The following PGBD5 variants were observed in gnomAD, a reference collection of about 807,000 sequenced individuals.
PGBD5 encodes the protein piggyBac transposable element derived 5, also known as piggyBac transposable element-derived protein 5.
Under a neutral mutation model 47.9 loss-of-function variants are expected in PGBD5, and 14 were observed. That is an observed-to-expected ratio of 0.29 (90% CI 0.19 to 0.46). PGBD5 has a LOEUF of 0.46. PGBD5 is among the 20% of genes least tolerant of loss of function. The pLI is 1.00. For synonymous variants in PGBD5, 316 were observed against 306.3 expected, an observed-to-expected ratio of 1.03 and a Z score of -0.33; for missense variants, 635 against 716.0, an observed-to-expected ratio of 0.89 and a Z score of 1.29.
intron 4 of PGBD5, among the ~76,000 whole-genome samples, chr1:230,335,021 CGACACA>C (rs1325410185): frequency 1.4e-5 from 2 of 140,184 alleles, no homozygotes; most frequent in African/African-American, 5.3e-5. Context: ...CTACCCCACT[CGACACA>C]GACACACACA....
intron 1 of PGBD5, among the ~76,000 whole-genome samples, chr1:230,383,800 C>G (rs1656569966): frequency 1.3e-5 from 2 of 152,224 alleles, no homozygotes; most frequent in Non-Finnish European, 2.9e-5. Flanking sequence ...GCTTTTGCCT[C>G]TATTTCTGGC....
In PGBD5 at chr1:230,318,949, G is replaced by A. The variant is rs1185626933; in HGVS notation, c.*4476C>T. 1 of 152,268 alleles carries A rather than the reference G, an allele frequency of 6.6e-6. No homozygotes were observed. Among genetic ancestry groups the A allele is most frequent in the Admixed American group, 6.5e-5 (1 of 15,288 alleles). 9.4% of individuals were successfully genotyped at this position (152,268 alleles called of 1,614,324 possible). A position where few individuals can be genotyped will look rare whatever the true frequency, so the allele number is the denominator to read the frequency against. On this transcript the variant is annotated 3_prime_UTR_variant, in exon 7 of 7. Coordinates refer to ENST00000391860, the MANE Select transcript of PGBD5 (RefSeq NM_001258311.2). ...AGGACAAGAAAAGGACCCAGGGGGA[G>A]GGTGATGTCCCGGATCTCATAATGA... is the stretch of plus-strand genomic sequence containing the variant.
intron 1 of PGBD5, among the ~76,000 whole-genome samples, chr1:230,358,835 A>G (rs112070336): frequency 0.012 from 1,763 of 152,342 alleles, 30 homozygotes; most frequent in African/African-American, 0.038. Flanking sequence ...GCTGTGCCAT[A>G]CAGGTTTGTA....
intron 1 of PGBD5, among the ~76,000 whole-genome samples, chr1:230,386,212 G>A (rs976027872): frequency 6.6e-6 from 1 of 151,898 alleles, no homozygotes; most frequent in Non-Finnish European, 1.5e-5. Flanking sequence ...ACAGCTACTC[G>A]GAAGGCTGAG....
At chr1:230,350,704 G>C (rs1475550843) in intron 3 of PGBD5, among the ~76,000 whole-genome samples, 1 of 152,204 alleles carries the variant, frequency 6.6e-6, no homozygotes, top group African/African-American at 2.4e-5. Context: ...ACCCAGATGG[G>C]CTTGAGTCTG....
chr1:230,316,151 CAT>C lies in PGBD5; in HGVS notation c.*7272_*7273del, dbSNP rs1310649902. On this transcript the variant is annotated 3_prime_UTR_variant, in exon 7 of 7. Transcript: ENST00000391860. ...ATACATACATATGTATATGTGTACA[CAT>C]ATATGTATGTGTATACATACATACG... 6.1e-5 allele frequency: 9 copies of C among 148,748 alleles called. No individual in the cohort carries two copies. The highest frequency in any genetic ancestry group is 2.1e-4 in the South Asian group (1 of 4,750). 9.2% of individuals were successfully genotyped at this position (148,748 alleles called of 1,614,324 possible).
intron 1 of PGBD5, among the ~76,000 whole-genome samples, chr1:230,409,383 CAT>C (rs1657367821): frequency 6.6e-6 from 1 of 152,146 alleles, no homozygotes; most frequent in Non-Finnish European, 1.5e-5. Flanking sequence ...AAATGAAAAC[CAT>C]GTCCACACGA....
Position 230,414,798 on chromosome 1 carries a change from G to A in PGBD5, c.331+10800C>T, listed in dbSNP as rs546851869. The stretch of plus-strand genomic sequence containing the variant: ...ACCTGAAGGAAGCAAATGTCATTAC[G>A]TCAGATAAGGAAGGAGATGAAGACT... On this transcript the variant is annotated intron_variant, in intron 1 of 6. Transcript: ENST00000391860. 2.4e-4 allele frequency among the ~76,000 whole-genome samples: 37 copies of A among 152,322 alleles called. No individual in the cohort carries two copies. In the South Asian group the frequency reaches 6.8e-3, roughly 28 times the overall value.
intron 1 of PGBD5, among the ~76,000 whole-genome samples, chr1:230,415,136 C>T (rs1002407151): frequency 6.6e-6 from 1 of 152,032 alleles, no homozygotes; most frequent in Non-Finnish European, 1.5e-5. Flanking sequence ...GGCATGGTGG[C>T]GCCTATCTGT....
At chr1:230,385,526 T>G (rs1310823396) in intron 1 of PGBD5, among the ~76,000 whole-genome samples, 1 of 152,140 alleles carries the variant, frequency 6.6e-6, no homozygotes, top group African/African-American at 2.4e-5. Flanking sequence ...GTTGCAGCAG[T>G]GCTGAGTCAA....
intron 3 of PGBD5, among the ~76,000 whole-genome samples, chr1:230,343,516 C>A (rs1250593444): frequency 6.6e-6 from 1 of 152,204 alleles, no homozygotes; most frequent in African/African-American, 2.4e-5. Flanking sequence ...GCTACTTGCT[C>A]AAGGACACAA....
intron 1 of PGBD5, chr1:230,367,924 C>A: frequency 7.4e-7 from 1 of 1,354,318 alleles, no homozygotes; most frequent in South Asian, 1.2e-5. Context: ...GGGAAGAGAA[C>A]TTGCTCAAGG....
intron 3 of PGBD5, among the ~76,000 whole-genome samples, chr1:230,349,573 T>G (rs1667529947): frequency 7.0e-6 from 1 of 142,594 alleles, no homozygotes; most frequent in Non-Finnish European, 1.5e-5. Context: ...TAGGCAGATC[T>G]CAAGGATGGC....
At chr1:230,347,903 G>A (rs745442636) in intron 3 of PGBD5, among the ~76,000 whole-genome samples, 1 of 152,186 alleles carries the variant, frequency 6.6e-6, no homozygotes, top group Non-Finnish European at 1.5e-5. Flanking sequence ...GGACCCAGGT[G>A]ATCCATCCTG....
chr1:230,394,344 A>G (rs1656870388), intron 1 of PGBD5, among the ~76,000 whole-genome samples: 1 of 151,652 alleles, frequency 6.6e-6, no homozygotes, highest in Non-Finnish European at 1.5e-5. Context: ...TTCGAGTATG[A>G]GGAGGGGGAG....
At chr1:230,386,470 A>C (rs566787728) in intron 1 of PGBD5, among the ~76,000 whole-genome samples, 2 of 152,194 alleles carry the variant, frequency 1.3e-5, no homozygotes, top group Non-Finnish European at 2.9e-5. Flanking sequence ...ACAGTAGAAG[A>C]TGCTCTTCTT....
Position 230,315,720 on chromosome 1 carries a change from T to G in PGBD5, c.*7705A>C, listed in dbSNP as rs545257095. On this transcript the variant is annotated 3_prime_UTR_variant, in exon 7 of 7. Coordinates refer to ENST00000391860, the MANE Select transcript of PGBD5 (RefSeq NM_001258311.2). ...CACACACATACACACAAGATAGATA[T>G]ATATATTAAGTGGACACTGTATGTG... is the stretch of plus-strand genomic sequence containing the variant. 6.6e-6 allele frequency: 1 copy of G among 151,364 alleles called. No individual in the cohort carries two copies. The highest frequency in any genetic ancestry group is 6.6e-5 in the Admixed American group (1 of 15,208). The allele number at this position is 151,364 out of a possible 1,614,324, so 9.4% of individuals were successfully genotyped here. A position where few individuals can be genotyped will look rare whatever the true frequency, so the allele number is the denominator to read the frequency against.
Position 230,426,012 on chromosome 1 carries a change from C to T in PGBD5, c.-84G>A, listed in dbSNP as rs187026002. 21,559 of 660,222 alleles carry T rather than the reference C, an allele frequency of 0.033. 1,054 individuals are homozygous for T. Among genetic ancestry groups the T allele is most frequent in the East Asian group, 0.27 (1,889 of 6,940 alleles). The allele number at this position is 660,222 out of a possible 1,614,324, so 40.9% of individuals were successfully genotyped here. A position where few individuals can be genotyped will look rare whatever the true frequency, so the allele number is the denominator to read the frequency against. ...GCCCTGGGCCCGCGCCGCGGCCCGC[C>T]GCCCCCCACCAGCGCAGCCCGCAGC... is the stretch of plus-strand genomic sequence containing the variant. On this transcript the variant is annotated 5_prime_UTR_variant, in exon 1 of 7. Coordinates refer to ENST00000391860, the MANE Select transcript of PGBD5 (RefSeq NM_001258311.2).
chr1:230,345,023 T>C (rs1450737826), intron 3 of PGBD5, among the ~76,000 whole-genome samples: 3 of 152,184 alleles, frequency 2.0e-5, no homozygotes, highest in East Asian at 1.9e-4. Context: ...GCTGGGAACG[T>C]TGGTCTCATG....
Sources: allele counts gnomAD v4.1 joint callset (sites outside exome capture counted in the v4.1 genomes callset), GRCh38; gene constraint gnomAD v4.1.1; transcripts MANE v1.5; gene names NCBI Gene and HGNC (gene_info 2026-07-23, HGNC 2026-07-21).